The following EXOC4 variants were observed in gnomAD, a reference collection of about 807,000 sequenced individuals.
The protein encoded by EXOC4 is SEC8-like 1.
In EXOC4, 71 loss-of-function variants were observed where a neutral mutation model predicts 107.2. That is an observed-to-expected ratio of 0.66 (90% CI 0.55 to 0.81). The LOEUF is 0.81. Ranked by LOEUF, EXOC4 falls within the 30% of genes least tolerant of loss-of-function variation. The pLI, the probability that EXOC4 is intolerant of heterozygous loss-of-function variation, is 0.00. For synonymous variants in EXOC4, 456 were observed against 441.2 expected (o/e 1.03, Z -0.42); for missense variants, 1,108 against 1,189.6 (o/e 0.93, Z 1.01).
chr7:133,445,299 G>A (rs1262190789), intron 7 of EXOC4, among the ~76,000 whole-genome samples: 2 of 152,160 alleles, frequency 1.3e-5, no homozygotes, highest in African/African-American at 4.8e-5. Context: ...TGGCTGGAAC[G>A]TGTGTCAAGT....
chr7:133,357,411 C>A (rs547711212), intron 6 of EXOC4, among the ~76,000 whole-genome samples: 20 of 152,158 alleles, frequency 1.3e-4, no homozygotes, highest in Non-Finnish European at 2.2e-4. Flanking sequence ...CTCATGCTTT[C>A]TTCTTTAATG....
intron 10 of EXOC4, among the ~76,000 whole-genome samples, chr7:133,695,591 C>A (rs1444559248): frequency 6.6e-6 from 1 of 152,108 alleles, no homozygotes; most frequent in Non-Finnish European, 1.5e-5. Flanking sequence ...TAGCCTCTTA[C>A]TCTTAAGAGA....
At chr7:133,695,161 C>T (rs1055130338) in intron 10 of EXOC4, among the ~76,000 whole-genome samples, 1 of 131,934 alleles carries the variant, frequency 7.6e-6, no homozygotes, top group African/African-American at 2.9e-5. Context: ...ACAATCTACT[C>T]CCTATCTCCA....
intron 9 of EXOC4, among the ~76,000 whole-genome samples, chr7:133,484,607 T>C (rs1250375405): frequency 3.3e-5 from 5 of 152,162 alleles, no homozygotes; most frequent in Non-Finnish European, 5.9e-5. Flanking sequence ...CACAGGTTTA[T>C]CAATGACATT....
At chr7:133,731,589 C>T (rs1027078404) in intron 10 of EXOC4, among the ~76,000 whole-genome samples, 1 of 152,084 alleles carries the variant, frequency 6.6e-6, no homozygotes, top group Non-Finnish European at 1.5e-5. Flanking sequence ...AAAATACTCA[C>T]TAATACAGTG....
At chr7:133,936,722 C>T (rs1440289865) in intron 13 of EXOC4, among the ~76,000 whole-genome samples, 2 of 152,222 alleles carry the variant, frequency 1.3e-5, no homozygotes, top group East Asian at 1.9e-4. Flanking sequence ...TGCAGTGGCA[C>T]GATCTCGGCT....
rs563848255 is a variant in EXOC4, at chr7:133,500,421, A to T, written c.1417+20283A>T. 2.6e-5 allele frequency among the ~76,000 whole-genome samples: 4 copies of T among 152,220 alleles called. No individual in the cohort carries two copies. The East Asian group carries it at 7.7e-4, about 29-fold the overall frequency. On this transcript the variant is annotated intron_variant, in intron 9 of 17. Transcript: ENST00000253861. ...GACAATTTTGTGATCAGCTTCTTTCACTCCACATAATGATGTTGACATTCA... is the reference window on the plus strand; with the variant it reads ...GACAATTTTGTGATCAGCTTCTTTCTCTCCACATAATGATGTTGACATTCA...
At chr7:133,592,984 T>C (rs1801585315) in intron 9 of EXOC4, among the ~76,000 whole-genome samples, 1 of 152,180 alleles carries the variant, frequency 6.6e-6, no homozygotes, top group Non-Finnish European at 1.5e-5. Context: ...TGACCTCAAG[T>C]TATCTGCCCA....
At chr7:133,292,915 G>A (rs1290765719) in intron 3 of EXOC4, among the ~76,000 whole-genome samples, 3 of 152,038 alleles carry the variant, frequency 2.0e-5, no homozygotes, top group Non-Finnish European at 2.9e-5. Flanking sequence ...GCTTTGTTCT[G>A]TTTTTTCTTC....
At chr7:133,484,140 A>G (rs1022530245) in intron 9 of EXOC4, 3 of 1,609,090 alleles carry the variant, frequency 1.9e-6, no homozygotes, top group Non-Finnish European at 2.5e-6. Context: ...AATTTATCAT[A>G]CAATTAGAAA....
chr7:133,414,957 G>T (rs1245271135), intron 7 of EXOC4, among the ~76,000 whole-genome samples: 1 of 152,002 alleles, frequency 6.6e-6, no homozygotes, highest in Non-Finnish European at 1.5e-5. Context: ...ATATTCTCCA[G>T]CCCTAGGCAA....
At chr7:133,281,837 G>T (rs1314684384) in intron 2 of EXOC4, among the ~76,000 whole-genome samples, 1 of 151,724 alleles carries the variant, frequency 6.6e-6, no homozygotes, top group Non-Finnish European at 1.5e-5. Flanking sequence ...AAGTAGCTAG[G>T]ATTATAGGTA....
intron 7 of EXOC4, among the ~76,000 whole-genome samples, chr7:133,446,166 A>G (rs557704379): frequency 8.0e-4 from 122 of 152,216 alleles, no homozygotes; most frequent in African/African-American, 2.7e-3. Flanking sequence ...CAGGTATCCC[A>G]CATTCTTTCT....
At chr7:133,960,672 A>G (rs921449894) in intron 14 of EXOC4, among the ~76,000 whole-genome samples, 1 of 152,196 alleles carries the variant, frequency 6.6e-6, no homozygotes. Flanking sequence ...TGTGAAACCC[A>G]CTTGATCATG....
At chr7:133,304,434 C>G (rs1794708246) in intron 3 of EXOC4, among the ~76,000 whole-genome samples, 1 of 152,218 alleles carries the variant, frequency 6.6e-6, no homozygotes, top group Non-Finnish European at 1.5e-5. Context: ...TGGTAGGCTT[C>G]AGAGGGCAGA....
intron 14 of EXOC4, among the ~76,000 whole-genome samples, chr7:133,993,395 A>G (rs555405971): frequency 2.0e-5 from 3 of 152,196 alleles, no homozygotes; most frequent in Non-Finnish European, 4.4e-5. Context: ...GGAATCAACC[A>G]TGCAATCCAT....
intron 5 of EXOC4, among the ~76,000 whole-genome samples, chr7:133,318,825 T>C (rs1322907129): frequency 6.6e-6 from 1 of 152,210 alleles, no homozygotes; most frequent in East Asian, 1.9e-4. Flanking sequence ...TTTGTTTAAT[T>C]AGTAGCCAAG....
intron 7 of EXOC4, among the ~76,000 whole-genome samples, chr7:133,442,439 C>G (rs927530192): frequency 1.3e-5 from 2 of 152,140 alleles, no homozygotes; most frequent in African/African-American, 4.8e-5. Flanking sequence ...TTGGACTCCA[C>G]TTCAGAGAGC....
chr7:133,914,680 T>A (rs6962865), intron 12 of EXOC4, among the ~76,000 whole-genome samples: 70,968 of 151,952 alleles, frequency 0.47, 17,874 homozygotes, highest in African/African-American at 0.65. Flanking sequence ...GGAACCAGTG[T>A]AACTCATAGG....
Sources: allele counts gnomAD v4.1 joint callset (sites outside exome capture counted in the v4.1 genomes callset), GRCh38; gene constraint gnomAD v4.1.1; transcripts MANE v1.5; gene names NCBI Gene and HGNC (gene_info 2026-07-23, HGNC 2026-07-21).